Variants in RANBP2 observed in about 807,000 individuals in gnomAD.
RANBP2 encodes RAN binding protein 2, also known as E3 SUMO-protein ligase RanBP2.
RANBP2 carries 57 observed loss-of-function variants against 303.6 expected under a neutral mutation model. That is an observed-to-expected ratio of 0.19 (90% CI 0.15 to 0.23). RANBP2 has a LOEUF of 0.23. Among genes scored for constraint, RANBP2 ranks in the 10% least tolerant of loss-of-function variants. The pLI is 1.00. For synonymous variants in RANBP2, 1,167 were observed against 1,301.5 expected (o/e 0.90, Z 2.23); for missense variants, 3,138 against 3,780.8 (o/e 0.83, Z 4.46).
the RANBP2 span, among the ~76,000 whole-genome samples, chr2:109,167,230 G>A: frequency 1.1e-3 from 171 of 152,300 alleles, no homozygotes; most frequent in African/African-American, 4.0e-3. Flanking sequence ...GAGAAAAGTG[G>A]CATTTTTAGA....
At chr2:109,498,836 G>A in the RANBP2 span, among the ~76,000 whole-genome samples, 1 of 152,206 alleles carries the variant, frequency 6.6e-6, no homozygotes, top group Non-Finnish European at 1.5e-5. Flanking sequence ...TAAGAGCTGG[G>A]AAAGGGCAGG....
the RANBP2 span, among the ~76,000 whole-genome samples, chr2:109,193,732 A>G: frequency 9.9e-5 from 15 of 152,278 alleles, no homozygotes; most frequent in African/African-American, 3.1e-4. Context: ...CTGACCCCAA[A>G]TCATTATTTT....
At chr2:109,166,877 A>G in the RANBP2 span, among the ~76,000 whole-genome samples, 1 of 152,246 alleles carries the variant, frequency 6.6e-6, no homozygotes, top group Non-Finnish European at 1.5e-5. Flanking sequence ...GCTATACATT[A>G]TACTTAGGGC....
At chr2:108,747,753 G>C (rs1311359651) in intron 8 of RANBP2, among the ~76,000 whole-genome samples, 2 of 152,068 alleles carry the variant, frequency 1.3e-5, no homozygotes, top group African/African-American at 4.8e-5. Context: ...AAACCTAATT[G>C]CCCAGCAGAA....
At chr2:109,623,966 CT>C in the RANBP2 span, among the ~76,000 whole-genome samples, 6 of 152,174 alleles carry the variant, frequency 3.9e-5, no homozygotes, top group African/African-American at 1.4e-4. Flanking sequence ...CCTATGTCAT[CT>C]TTGTGCCCAT....
At chr2:108,939,055 G>A in the RANBP2 span, among the ~76,000 whole-genome samples, 2 of 151,988 alleles carry the variant, frequency 1.3e-5, no homozygotes, top group African/African-American at 4.8e-5. Context: ...TGGGATTACA[G>A]GCATGAGCCA....
chr2:109,163,770 C>T, the RANBP2 span, among the ~76,000 whole-genome samples: 4 of 152,148 alleles, frequency 2.6e-5, no homozygotes, highest in African/African-American at 4.8e-5. Context: ...TGTGTGCAGT[C>T]GGCAGCTCAG....
the RANBP2 span, among the ~76,000 whole-genome samples, chr2:109,388,491 C>T: frequency 1.3e-5 from 2 of 152,200 alleles, no homozygotes; most frequent in Non-Finnish European, 2.9e-5. Context: ...CCCCCAGGTA[C>T]TCTCAGCTGC....
chr2:109,552,230 C>T, the RANBP2 span, among the ~76,000 whole-genome samples: 3 of 152,168 alleles, frequency 2.0e-5, no homozygotes, highest in Non-Finnish European at 4.4e-5. Flanking sequence ...TTCCAGGAAA[C>T]GGGTCCCTGG....
At chr2:109,424,177 G>A in the RANBP2 span, among the ~76,000 whole-genome samples, 3 of 152,346 alleles carry the variant, frequency 2.0e-5, no homozygotes, top group African/African-American at 7.2e-5. Context: ...AGGGAAGCCT[G>A]TCTGATCCTC....
chr2:109,064,218 C>T, the RANBP2 span, among the ~76,000 whole-genome samples: 1 of 151,912 alleles, frequency 6.6e-6, no homozygotes, highest in Non-Finnish European at 1.5e-5. Context: ...GCCTGTAATC[C>T]CAGCACTTTG....
At chr2:109,567,764 C>T in the RANBP2 span, 1 of 1,495,400 alleles carries the variant, frequency 6.7e-7, no homozygotes, top group Non-Finnish European at 9.0e-7. Flanking sequence ...TCACAAATTA[C>T]AGTTTTATTT....
chr2:109,614,000 G>A, the RANBP2 span: 4,027 of 1,201,504 alleles, frequency 3.4e-3, 97 homozygotes, highest in African/African-American at 0.058. Context: ...GCCTCCGGGG[G>A]CGGGGTTGGG....
At chr2:109,064,455 C>CA in the RANBP2 span, among the ~76,000 whole-genome samples, 35,094 of 65,890 alleles carry the variant, frequency 0.53, 9,980 homozygotes, top group South Asian at 0.75. Context: ...GACTCTGTCT[C>CA]AAAAAAAAAA....
At chr2:108,719,793 C>A in intron 1 of RANBP2, 115 bp downstream of exon 1, 1 of 1,501,812 alleles carries the variant, frequency 6.7e-7, no homozygotes, top group East Asian at 2.5e-5. Flanking sequence ...TGTTGAGGCG[C>A]CGGCCGGCTG....
rs1678530114 is a variant in RANBP2, at chr2:108,785,188, CTG to C, written c.*1289_*1290del. ...AAATTGGGTATCCTAAAGCAAGTAA[CTG>C]TTCAACCACCAGTCAAAAGAGGGGA... On this transcript the variant is annotated 3_prime_UTR_variant, in exon 29 of 29. Coordinates refer to ENST00000283195, the MANE Select transcript of RANBP2 (RefSeq NM_006267.5). 1 of 152,164 alleles carries C rather than the reference CTG, an allele frequency of 6.6e-6. No individual in the cohort carries two copies. The highest frequency in any genetic ancestry group is 1.5e-5 in the Non-Finnish European group (1 of 68,032). The allele number at this position is 152,164 out of a possible 1,614,324, so 9.4% of individuals were successfully genotyped here.
At chr2:109,053,786 A>T in the RANBP2 span, among the ~76,000 whole-genome samples, 1 of 152,170 alleles carries the variant, frequency 6.6e-6, no homozygotes, top group African/African-American at 2.4e-5. Flanking sequence ...CAGGGGCGTG[A>T]GCCATTTCTC....
chr2:108,972,293 GC>G, the RANBP2 span, among the ~76,000 whole-genome samples: 2 of 152,372 alleles, frequency 1.3e-5, no homozygotes, highest in Admixed American at 1.3e-4. Context: ...AACTTCAATA[GC>G]CATGCCGGCC....
chr2:109,204,561 G>T, the RANBP2 span, among the ~76,000 whole-genome samples: 1 of 152,092 alleles, frequency 6.6e-6, no homozygotes, highest in Non-Finnish European at 1.5e-5. Flanking sequence ...CACATAAATG[G>T]GTGTGTTCAG....
Sources: allele counts gnomAD v4.1 joint callset (sites outside exome capture counted in the v4.1 genomes callset), GRCh38; gene constraint gnomAD v4.1.1; transcripts MANE v1.5; gene names NCBI Gene and HGNC (gene_info 2026-07-23, HGNC 2026-07-21).